RASA1: variants seen among roughly 807,000 people sequenced by gnomAD.
RASA1 encodes the protein ras GTPase-activating protein 1.
Under a neutral mutation model 132.2 loss-of-function variants are expected in RASA1, and 25 were observed. The observed-to-expected ratio is 0.19, with a 90% CI of 0.14 to 0.26. The LOEUF is 0.26. RASA1 is among the 10% of genes least tolerant of loss of function. RASA1 has a pLI of 1.00. For missense variants in RASA1, 964 were observed against 1,299.2 expected (o/e 0.74, Z 3.97); for synonymous variants, 477 against 449.9 (o/e 1.06, Z -0.76).
intron 1 of RASA1, among the ~76,000 whole-genome samples, chr5:87,324,989 T>G (rs180961235): frequency 2.6e-5 from 4 of 152,300 alleles, no homozygotes; most frequent in African/African-American, 9.6e-5. Context: ...ACTGTATTAG[T>G]TCATTCTCAT....
chr5:87,381,462 CTG>C (rs1482987896), intron 20 of RASA1, among the ~76,000 whole-genome samples: 13 of 152,206 alleles, frequency 8.5e-5, no homozygotes, highest in Non-Finnish European at 1.5e-4. Context: ...AGAATATACA[CTG>C]TCATGTCATG....
chr5:87,353,975 A>G (rs1341366518), intron 9 of RASA1, among the ~76,000 whole-genome samples: 1 of 152,122 alleles, frequency 6.6e-6, no homozygotes, highest in Non-Finnish European at 1.5e-5. Context: ...CTAAGTGGAA[A>G]ATGGAGGTAC....
intron 1 of RASA1, among the ~76,000 whole-genome samples, chr5:87,275,106 T>A (rs143626639): frequency 6.6e-6 from 1 of 152,238 alleles, no homozygotes; most frequent in Non-Finnish European, 1.5e-5. Flanking sequence ...GAGTAGACTT[T>A]CTGGTTGCTT....
chr5:87,296,817 G>A (rs574874390), intron 1 of RASA1, among the ~76,000 whole-genome samples: 43 of 152,152 alleles, frequency 2.8e-4, no homozygotes, highest in African/African-American at 9.9e-4. Context: ...AATGTTATCT[G>A]AGTTTTATGG....
intron 1 of RASA1, among the ~76,000 whole-genome samples, chr5:87,291,593 G>A (rs1183449399): frequency 1.3e-5 from 2 of 152,170 alleles, no homozygotes; most frequent in African/African-American, 4.8e-5. Flanking sequence ...GGGACCTGGT[G>A]AGAGGGGTTT....
chr5:87,299,631 T>G (rs1396227972), intron 1 of RASA1: 1 of 150,298 alleles, frequency 6.7e-6, no homozygotes, highest in Non-Finnish European at 1.5e-5. Context: ...ATCCCGCATC[T>G]CCCATAGTTA....
At chr5:87,374,448 T>C in intron 14 of RASA1, 128 bp downstream of exon 14, 1 of 275,850 alleles carries the variant, frequency 3.6e-6, no homozygotes, top group Non-Finnish European at 5.9e-6. Flanking sequence ...ATAGCATATA[T>C]ATATATATAT....
At chr5:87,331,044 C>T in intron 1 of RASA1, 1 of 1,264,100 alleles carries the variant, frequency 7.9e-7, no homozygotes, top group Non-Finnish European at 1.1e-6. Flanking sequence ...GATCTGGTTG[C>T]AGTAGTGTTT....
At chr5:87,273,573 T>C (rs577832571) in intron 1 of RASA1, among the ~76,000 whole-genome samples, 9 of 152,302 alleles carry the variant, frequency 5.9e-5, no homozygotes, top group African/African-American at 2.2e-4. Flanking sequence ...TAACTGTGAG[T>C]CTGCAGTAGC....
chr5:87,355,764 G>C (rs1316504678), intron 9 of RASA1, among the ~76,000 whole-genome samples: 1 of 152,218 alleles, frequency 6.6e-6, no homozygotes, highest in Non-Finnish European at 1.5e-5. Context: ...AGGCCATTAA[G>C]AACATTTGTG....
chr5:87,287,280 CACACCATATATAT>C (rs932838521), intron 1 of RASA1, among the ~76,000 whole-genome samples: 2 of 146,178 alleles, frequency 1.4e-5, no homozygotes, highest in South Asian at 2.1e-4. Flanking sequence ...CGTATATATA[CACACCATATATAT>C]ACACCATATA....
rs151257791 is a variant in RASA1 at position 87,269,623 on chromosome 5, G to A, written c.539+633G>A. Among the ~76,000 whole-genome samples, 544 of 152,288 alleles carry A rather than the reference G, an allele frequency of 3.6e-3. 2 individuals carry two copies. Among genetic ancestry groups the A allele is most frequent in the South Asian group, 9.1e-3 (44 of 4,826 alleles). ...ACAATGTATCTTCTTCCATAGGCTT[G>A]CCACTTAATATTAACGCACTGCTTT... On this transcript the variant is annotated intron_variant, in intron 1 of 24. Transcript: ENST00000274376.
At chr5:87,376,673 AATG>A in intron 16 of RASA1, 108 bp downstream of exon 16, 2 of 1,375,238 alleles carry the variant, frequency 1.5e-6, no homozygotes, top group East Asian at 2.5e-5. Context: ...TTAGTAGCAC[AATG>A]ATGCCAGAGA....
chr5:87,287,870 TATATACACAC>T (rs1754729158), intron 1 of RASA1, among the ~76,000 whole-genome samples: 1 of 134,708 alleles, frequency 7.4e-6, no homozygotes, highest in Non-Finnish European at 1.6e-5. Flanking sequence ...ATATATACCA[TATATACACAC>T]ACCATATATA....
rs566789636 is a variant in RASA1 at position 87,348,256 on chromosome 5, A to G, written c.1103-958A>G. Among the ~76,000 whole-genome samples the G allele has an allele frequency of 8.5e-5, 13 of 152,154 alleles. 1 individual carries two copies. Among genetic ancestry groups the G allele is most frequent in the African/African-American group, 3.1e-4 (13 of 41,546 alleles). On this transcript the variant is annotated intron_variant, in intron 7 of 24. Coordinates refer to ENST00000274376, the MANE Select transcript of RASA1 (RefSeq NM_002890.3). ...TTTTTACTGAACATGAAGTTACTTCATAAGTGCCTTGATTGGATGATTGGA... is the reference window on the plus strand; with the variant it reads ...TTTTTACTGAACATGAAGTTACTTCGTAAGTGCCTTGATTGGATGATTGGA...
intron 14 of RASA1, among the ~76,000 whole-genome samples, chr5:87,374,566 A>G (rs1761191183): frequency 6.6e-6 from 1 of 150,702 alleles, no homozygotes; most frequent in Non-Finnish European, 1.5e-5. Context: ...AAAAACATTT[A>G]CTAACCCACA....
At chr5:87,326,558 AAG>A (rs1222281233) in intron 1 of RASA1, among the ~76,000 whole-genome samples, 3 of 152,182 alleles carry the variant, frequency 2.0e-5, no homozygotes, top group Admixed American at 2.0e-4. Context: ...GGCAAAGAAG[AAG>A]AGAGAGGGAG....
At chr5:87,334,041 TG>T (rs1267000181) in intron 4 of RASA1, among the ~76,000 whole-genome samples, 5 of 152,332 alleles carry the variant, frequency 3.3e-5, no homozygotes, top group South Asian at 2.1e-4. Context: ...CATGTAACTA[TG>T]GGGATCTTTG....
At chr5:87,342,847 G>T (rs1363226016) in intron 6 of RASA1, among the ~76,000 whole-genome samples, 4 of 152,006 alleles carry the variant, frequency 2.6e-5, no homozygotes, top group African/African-American at 9.7e-5. Flanking sequence ...TTTTATTTTA[G>T]ATAATAGCAA....
Sources: allele counts gnomAD v4.1 joint callset (sites outside exome capture counted in the v4.1 genomes callset), GRCh38; gene constraint gnomAD v4.1.1; transcripts MANE v1.5; gene names NCBI Gene and HGNC (gene_info 2026-07-23, HGNC 2026-07-21).